Variants in AKAP6 observed in about 807,000 individuals in gnomAD.
AKAP6 encodes the protein A-kinase anchoring protein 6.
AKAP6 carries 58 observed loss-of-function variants against 188.5 expected under a neutral mutation model. The observed-to-expected ratio is 0.31, with a 90% confidence interval of 0.25 to 0.38. AKAP6 has a LOEUF of 0.38. Ranked by LOEUF, AKAP6 falls within the 10% of genes least tolerant of loss-of-function variation. The pLI is 1.00. For synonymous variants in AKAP6, 989 were observed against 998.6 expected, an observed-to-expected ratio of 0.99 and a Z score of 0.18; for missense variants, 2,710 against 2,740.0, an observed-to-expected ratio of 0.99 and a Z score of 0.24.
intron 1 of AKAP6, among the ~76,000 whole-genome samples, chr14:32,376,621 A>G (rs572849882): frequency 2.0e-5 from 3 of 152,362 alleles, no homozygotes; most frequent in South Asian, 4.1e-4. Flanking sequence ...CAAAAGAACT[A>G]TCTGTTTCAA....
At chr14:32,743,041 C>A (rs1365289274) in intron 11 of AKAP6, among the ~76,000 whole-genome samples, 1 of 152,060 alleles carries the variant, frequency 6.6e-6, no homozygotes, top group Non-Finnish European at 1.5e-5. Context: ...CTTTATTGAT[C>A]TGGGTACTCT....
At chr14:32,556,336 A>G (rs1366857465) in intron 4 of AKAP6, among the ~76,000 whole-genome samples, 2 of 151,818 alleles carry the variant, frequency 1.3e-5, no homozygotes, top group Non-Finnish European at 2.9e-5. Context: ...AGTTCGTTAT[A>G]TATTCTTTTT....
At chr14:32,395,249 C>T (rs1888841262) in intron 1 of AKAP6, among the ~76,000 whole-genome samples, 1 of 152,110 alleles carries the variant, frequency 6.6e-6, no homozygotes, top group Non-Finnish European at 1.5e-5. Flanking sequence ...TAACCTTGAA[C>T]CTGCTCTAAG....
intron 9 of AKAP6, among the ~76,000 whole-genome samples, chr14:32,703,738 T>C (rs1328097210): frequency 6.6e-6 from 1 of 152,218 alleles, no homozygotes; most frequent in East Asian, 1.9e-4. Flanking sequence ...CTAAGAACTC[T>C]GAGTTCAATG....
rs537668729 is a variant in AKAP6 at position 32,498,405 on chromosome 14, C to A, written c.325-37149C>A. ...TAGATACCTTAAAAATTAAAATAAT[C>A]TTTAACACTTAGAATTCTAAGCACT... On this transcript the variant is annotated intron_variant, in intron 2 of 13. Coordinates refer to ENST00000280979, the MANE Select transcript of AKAP6 (RefSeq NM_004274.5). Among the ~76,000 whole-genome samples, 10 of 152,160 alleles carry A rather than the reference C, an allele frequency of 6.6e-5. No homozygotes were observed. In the South Asian group the frequency reaches 1.9e-3, roughly 28 times the overall value.
chr14:32,765,764 C>G (rs914008225), intron 11 of AKAP6, among the ~76,000 whole-genome samples: 2 of 151,332 alleles, frequency 1.3e-5, no homozygotes, highest in Admixed American at 6.6e-5. Context: ...TTGTATCCAC[C>G]CATGGTTGCA....
At chr14:32,372,102 G>A (rs1888027373) in intron 1 of AKAP6, among the ~76,000 whole-genome samples, 1 of 152,140 alleles carries the variant, frequency 6.6e-6, no homozygotes. Context: ...GCCTCACAGA[G>A]GAGATGAACA....
At position 32,479,108 on chromosome 14, in the gene AKAP6, T is replaced by G. The variant is rs531348692; in HGVS notation, c.324+45291T>G. ...ATACCAAGTAGACATCGACTCACTT[T>G]GATATTTTCAGTATTATATACAATT... On this transcript the variant is annotated intron_variant, in intron 2 of 13. Coordinates refer to ENST00000280979, the MANE Select transcript of AKAP6 (RefSeq NM_004274.5). 3.3e-5 allele frequency among the ~76,000 whole-genome samples: 5 copies of G among 152,336 alleles called. No homozygotes were observed. In the East Asian group the frequency reaches 9.6e-4, roughly 29 times the overall value.
intron 13 of AKAP6, among the ~76,000 whole-genome samples, chr14:32,825,643 TTC>T (rs1254551543): frequency 6.6e-6 from 1 of 152,158 alleles, no homozygotes; most frequent in Admixed American, 6.5e-5. Context: ...GACACAAAGA[TTC>T]TGTTATTTCC....
intron 7 of AKAP6, among the ~76,000 whole-genome samples, chr14:32,619,740 G>C (rs1886735944): frequency 6.6e-6 from 1 of 151,994 alleles, no homozygotes; most frequent in Non-Finnish European, 1.5e-5. Flanking sequence ...GAATTGCATT[G>C]AATCTGTAGA....
chr14:32,531,187 C>G, intron 2 of AKAP6, among the ~76,000 whole-genome samples: 1 of 152,144 alleles, frequency 6.6e-6, no homozygotes, highest in East Asian at 1.9e-4. Context: ...GGTCACTTTC[C>G]CACATTAGCA....
At chr14:32,658,674 T>A (rs1888553598) in intron 7 of AKAP6, among the ~76,000 whole-genome samples, 1 of 151,842 alleles carries the variant, frequency 6.6e-6, no homozygotes, top group African/African-American at 2.4e-5. Flanking sequence ...TAGTAGGGTT[T>A]CAATTAACTG....
At position 32,747,487 on chromosome 14, in the gene AKAP6, A is replaced by AT. The variant is rs747354724; in HGVS notation, c.3372+11605_3372+11606insT. Reference sequence around the variant, plus strand: ...ACATATCATAGATACATTTAAAAAAACTATTATATTAACCACGTATATCCA... The same window carrying AT: ...ACATATCATAGATACATTTAAAAAAATCTATTATATTAACCACGTATATCCA... On this transcript the variant is annotated intron_variant, in intron 11 of 13. Coordinates refer to ENST00000280979, the MANE Select transcript of AKAP6 (RefSeq NM_004274.5). Among the ~76,000 whole-genome samples the AT allele has an allele frequency of 4.6e-5, 7 of 152,242 alleles. No homozygotes were observed. The South Asian group carries it at 6.2e-4, about 14-fold the overall frequency.
At chr14:32,458,211 T>C (rs1891208647) in intron 2 of AKAP6, among the ~76,000 whole-genome samples, 1 of 152,204 alleles carries the variant, frequency 6.6e-6, no homozygotes, top group Non-Finnish European at 1.5e-5. Context: ...ATTTTTTAGA[T>C]TAAGATAATG....
At chr14:32,540,160 C>CTATATA (rs1313663279) in intron 3 of AKAP6, among the ~76,000 whole-genome samples, 1 of 110,646 alleles carries the variant, frequency 9.0e-6, no homozygotes, top group African/African-American at 4.6e-5. Flanking sequence ...CTCTCTCTCT[C>CTATATA]TCTCTCTCTA....
At chr14:32,615,934 A>G (rs1050401394) in intron 7 of AKAP6, among the ~76,000 whole-genome samples, 1 of 152,152 alleles carries the variant, frequency 6.6e-6, no homozygotes, top group Admixed American at 6.5e-5. Context: ...TTAATGCTAC[A>G]TGGTGACTTT....
At chr14:32,502,942 A>G (rs1170001678) in intron 2 of AKAP6, among the ~76,000 whole-genome samples, 2 of 152,152 alleles carry the variant, frequency 1.3e-5, no homozygotes, top group Admixed American at 1.3e-4. Flanking sequence ...TATTGCATAC[A>G]TAAATTCTCA....
intron 1 of AKAP6, among the ~76,000 whole-genome samples, chr14:32,395,251 T>C (rs183919167): frequency 2.0e-4 from 31 of 152,286 alleles, no homozygotes; most frequent in Admixed American, 1.2e-3. Context: ...ACCTTGAACC[T>C]GCTCTAAGTT....
rs150101243 is a variant in AKAP6, at chr14:32,671,340, G to A, written c.2731-6971G>A. On this transcript the variant is annotated intron_variant, in intron 7 of 13. Coordinates refer to ENST00000280979, the MANE Select transcript of AKAP6 (RefSeq NM_004274.5). ...GAGGAATGTGGACCAAAATCTGATT[G>A]GGGTGTGTTCAAGAGAGAAAGAGGA... 1.8e-3 allele frequency among the ~76,000 whole-genome samples: 267 copies of A among 152,238 alleles called. 1 individual carries two copies. The highest frequency in any genetic ancestry group is 6.0e-3 in the African/African-American group (251 of 41,554).
Sources: gnomAD v4.1 joint callset for allele counts (sites outside exome capture counted in the v4.1 genomes callset) on GRCh38, gnomAD v4.1.1 for gene constraint, MANE v1.5 for transcripts, NCBI Gene and HGNC (gene_info 2026-07-23, HGNC 2026-07-21) for gene names.